CFAP20DC: variants seen among roughly 807,000 people sequenced by gnomAD.
CFAP20DC encodes the protein protein CFAP20DC.
A neutral mutation model predicts 101.7 loss-of-function variants in CFAP20DC; 84 were observed. That is an observed-to-expected ratio of 0.83 (90% CI 0.69 to 0.99). The LOEUF (loss-of-function observed/expected upper bound fraction) is 0.99, where lower values mean the gene tolerates loss of function less well. Ranked by LOEUF, CFAP20DC falls within the 50% of genes least tolerant of loss-of-function variation. CFAP20DC has a pLI of 0.00. For synonymous variants in CFAP20DC, 359 were observed against 351.2 expected (o/e 1.02, Z -0.25); for missense variants, 1,007 against 970.3 (o/e 1.04, Z -0.50).
chr3:58,979,018 G>A (rs2092404414), intron 4 of CFAP20DC, among the ~76,000 whole-genome samples: 2 of 152,144 alleles, frequency 1.3e-5, no homozygotes, highest in Admixed American at 6.5e-5. Context: ...GTGATGCTGT[G>A]ATTTACCAGA....
At position 58,933,879 on chromosome 3, in the gene CFAP20DC, A is replaced by G. The variant is rs1216381265; in HGVS notation, c.393+3769T>C. Among the ~76,000 whole-genome samples, 9 of 151,994 alleles carry G rather than the reference A, an allele frequency of 5.9e-5. No homozygotes were observed. In the South Asian group the frequency reaches 1.0e-3, roughly 18 times the overall value. ...TAAAACAACTAGAAAAGCAAGAGCA[A>G]ACACATTCAAAAGCTAGCAGAAGGC... On this transcript the variant is annotated intron_variant, in intron 5 of 16. Transcript: ENST00000482387.
At chr3:58,829,548 T>C (rs947588239) in intron 14 of CFAP20DC, among the ~76,000 whole-genome samples, 26 of 152,236 alleles carry the variant, frequency 1.7e-4, no homozygotes, top group Middle Eastern at 3.4e-3. Flanking sequence ...CAATGTTAGA[T>C]AGACTGACTC....
At chr3:58,816,562 C>A (rs566280480) in intron 14 of CFAP20DC, among the ~76,000 whole-genome samples, 2 of 152,100 alleles carry the variant, frequency 1.3e-5, no homozygotes, top group African/African-American at 4.8e-5. Flanking sequence ...GACTCCCACC[C>A]GAATATTGCA....
intron 15 of CFAP20DC, among the ~76,000 whole-genome samples, chr3:58,755,284 C>T (rs1436016813): frequency 1.3e-5 from 2 of 152,002 alleles, no homozygotes; most frequent in East Asian, 3.9e-4. Context: ...ACATTAAGGG[C>T]ATCAGAAAGG....
intron 4 of CFAP20DC, among the ~76,000 whole-genome samples, chr3:58,997,720 C>T (rs557599381): frequency 6.6e-6 from 1 of 152,146 alleles, no homozygotes; most frequent in South Asian, 2.1e-4. Context: ...TTTTAAGGAC[C>T]TCTAAGCCTT....
At chr3:59,037,521 T>G (rs1266131381) in intron 4 of CFAP20DC, among the ~76,000 whole-genome samples, 1 of 150,670 alleles carries the variant, frequency 6.6e-6, no homozygotes, top group South Asian at 2.1e-4. Context: ...GCAACAAATA[T>G]GCGAAAAAAA....
chr3:58,849,019 G>A lies in CFAP20DC; in HGVS notation c.1971+13C>T, dbSNP rs566755415. On this transcript the variant is annotated intron_variant, in intron 13 of 16. Transcript: ENST00000482387. The stretch of plus-strand genomic sequence containing the variant: ...TATTGCCGGCATCTGTAAACCACAC[G>A]GGAACCACTTACAGATGCTTCGGGG... The A allele has an allele frequency of 2.9e-5, 44 of 1,532,712 alleles. No individual in the cohort carries two copies. The highest frequency in any genetic ancestry group is 6.9e-5 in the African/African-American group (5 of 72,954). The allele number at this position is 1,532,712 out of a possible 1,614,324, so 94.9% of individuals were successfully genotyped here.
chr3:59,040,682 AAC>A (rs1699293281), intron 3 of CFAP20DC, among the ~76,000 whole-genome samples: 1 of 152,080 alleles, frequency 6.6e-6, no homozygotes, highest in South Asian at 2.1e-4. Flanking sequence ...TTAAAGTAAC[AAC>A]ACGTTTTTGG....
intron 4 of CFAP20DC, among the ~76,000 whole-genome samples, chr3:59,033,425 C>A (rs1414029109): frequency 6.6e-6 from 1 of 152,052 alleles, no homozygotes; most frequent in Non-Finnish European, 1.5e-5. Flanking sequence ...ATGTTTCTTA[C>A]CCAATGCAAG....
At chr3:58,741,330 G>A (rs2067877350), downstream of CFAP20DC, among the ~76,000 whole-genome samples, 1 of 151,996 alleles carries the variant, frequency 6.6e-6, no homozygotes, top group South Asian at 2.1e-4. Flanking sequence ...AGAGTTAGAC[G>A]GACATCAACT....
At chr3:58,842,306 G>A (rs1209164471) in intron 13 of CFAP20DC, among the ~76,000 whole-genome samples, 2 of 151,706 alleles carry the variant, frequency 1.3e-5, no homozygotes, top group African/African-American at 2.4e-5. Flanking sequence ...CAGTGGGTGC[G>A]CGCACCGTGC....
At position 58,742,088 on chromosome 3, in the gene CFAP20DC, AT is replaced by A; in HGVS notation, c.*371del. 2.1e-6 allele frequency: 2 copies of A among 968,290 alleles called. No individual in the cohort carries two copies. Among genetic ancestry groups the A allele is most frequent in the African/African-American group, 3.5e-5 (2 of 56,982 alleles). 60.0% of individuals were successfully genotyped at this position (968,290 alleles called of 1,614,324 possible). A position where few individuals can be genotyped will look rare whatever the true frequency, so the allele number is the denominator to read the frequency against. On this transcript the variant is annotated 3_prime_UTR_variant, in exon 17 of 17. Transcript: ENST00000482387. Reference sequence around the variant, plus strand: ...CCAGGCATCTTTTAAGCAAAAATACATTTTCTGTACATCAAGCCATCATTTA... The same window carrying A: ...CCAGGCATCTTTTAAGCAAAAATACATTTCTGTACATCAAGCCATCATTTA...
rs1452175976 is a variant in CFAP20DC, at chr3:59,007,052, G to A, written c.278+32505C>T. Among the ~76,000 whole-genome samples, 1 of 151,636 alleles carries A rather than the reference G, an allele frequency of 6.6e-6. No homozygotes were observed. Among genetic ancestry groups the A allele is most frequent in the African/African-American group, 2.4e-5 (1 of 41,230 alleles). ...TTGCCAACTGTGTGGAGCTGGGTGA[G>A]GCCTTTTGCTACTGGATGTCACCCA... On this transcript the variant is annotated intron_variant, in intron 4 of 16. Coordinates refer to ENST00000482387, the MANE Select transcript of CFAP20DC (RefSeq NM_001394063.1). This position sits in a 1 kb window ranked among gnomAD's most constrained non-coding sequence, Gnocchi z 4.4.
At chr3:58,804,733 AG>A (rs1401029419) in intron 15 of CFAP20DC, among the ~76,000 whole-genome samples, 1 of 152,202 alleles carries the variant, frequency 6.6e-6, no homozygotes, top group Non-Finnish European at 1.5e-5. Context: ...ACTCACATAT[AG>A]AAAAAATAAT....
rs774736533 is a variant in CFAP20DC, at chr3:58,867,774, GAATAATAT to G, written c.1135+35_1135+42del. ...CTGCAGAGAGAGATTCGATTGCCCT[GAATAATAT>G]ACAGATATAAGATAGGATTGAAATA... On this transcript the variant is annotated intron_variant, in intron 10 of 16. Transcript: ENST00000482387. The G allele has an allele frequency of 9.3e-6, 15 of 1,610,064 alleles. No homozygotes were observed. The Admixed American group carries it at 2.5e-4, about 27-fold the overall frequency.
intron 14 of CFAP20DC, among the ~76,000 whole-genome samples, chr3:58,812,677 C>T (rs960599727): frequency 1.3e-5 from 2 of 151,326 alleles, no homozygotes; most frequent in Non-Finnish European, 2.9e-5. Flanking sequence ...GCACATTGTG[C>T]ACATGTACTC....
rs2067416412 is a variant in CFAP20DC, at chr3:58,717,681, A to G, written c.198-53T>C. 1 of 425,262 alleles carries G rather than the reference A, an allele frequency of 2.4e-6. No individual in the cohort carries two copies. The allele number at this position is 425,262 out of a possible 1,614,324, so 26.3% of individuals were successfully genotyped here. The stretch of plus-strand genomic sequence containing the variant: ...GAAAAAAAAAAAAGAAAAAAGGTAC[A>G]TGCCTTTTATTCTGGGTCTGTCCAT... On this transcript the variant is annotated intron_variant, in intron 3 of 3. Transcript: ENST00000486145. This position sits in a 1 kb window ranked among gnomAD's most constrained non-coding sequence, Gnocchi z 4.1.
intron 14 of CFAP20DC, among the ~76,000 whole-genome samples, chr3:58,812,954 T>A (rs973100880): frequency 6.6e-6 from 1 of 151,812 alleles, no homozygotes. Context: ...AAACAAGATA[T>A]CTCATGGAAC....
intron 12 of CFAP20DC, among the ~76,000 whole-genome samples, chr3:58,850,236 CTG>C (rs1401521777): frequency 1.3e-5 from 2 of 152,208 alleles, no homozygotes; most frequent in East Asian, 1.9e-4. Context: ...TACATTTAAA[CTG>C]TGTGATCACT....
Sources: gnomAD v4.1 joint callset for allele counts (sites outside exome capture counted in the v4.1 genomes callset) on GRCh38, gnomAD v4.1.1 for gene constraint, Gnocchi (gnomAD v3.1) non-coding constraint, MANE v1.5 for transcripts, NCBI Gene and HGNC (gene_info 2026-07-23, HGNC 2026-07-21) for gene names.